The following TK2 variants were observed in gnomAD, a reference collection of about 807,000 sequenced individuals.
TK2 encodes thymidine kinase 2, mitochondrial.
Under a neutral mutation model 41.9 loss-of-function variants are expected in TK2, and 35 were observed. That is an observed-to-expected ratio of 0.84 (90% CI 0.64 to 1.11). TK2 has a LOEUF of 1.11. Among genes scored for constraint, TK2 ranks in the 50% least tolerant of loss-of-function variants. TK2 has a pLI of 0.00. For synonymous variants in TK2, 128 were observed against 129.1 expected (o/e 0.99, Z 0.06); for missense variants, 320 against 351.1 (o/e 0.91, Z 0.71).
intron 2 of TK2, chr16:66,548,151 ATATCC>A (rs1433227840): frequency 2.5e-6 from 1 of 395,760 alleles, no homozygotes. Context: ...ACCCGCTGGC[ATATCC>A]TTCTCCTAAT....
In TK2 at chr16:66,517,056, G is replaced by A. The variant is rs1964636382; in HGVS notation, c.618+80C>T. Reference sequence around the variant, plus strand: ...AACAAGGGCACAATGATCTCATGGGGGTGGGGCCGGGAGAGGAAGCCGGGT... The same window carrying A: ...AACAAGGGCACAATGATCTCATGGGAGTGGGGCCGGGAGAGGAAGCCGGGT... On this transcript the variant is annotated intron_variant, in intron 8 of 9. Transcript: ENST00000544898. This position sits in a 1 kb window ranked among gnomAD's most constrained non-coding sequence, Gnocchi z 4.3. The A allele has an allele frequency of 8.5e-7, 1 of 1,178,728 alleles. No individual in the cohort carries two copies. The highest frequency in any genetic ancestry group is 1.7e-5 in the Admixed American group (1 of 59,418). The allele number at this position is 1,178,728 out of a possible 1,614,324, so 73.0% of individuals were successfully genotyped here.
At chr16:66,525,321 G>A (rs1964899399) in intron 6 of TK2, among the ~76,000 whole-genome samples, 1 of 152,180 alleles carries the variant, frequency 6.6e-6, no homozygotes, top group Non-Finnish European at 1.5e-5. Flanking sequence ...GTTTAATACA[G>A]GAACATCCAT....
intron 4 of TK2, among the ~76,000 whole-genome samples, chr16:66,536,608 C>T (rs1352144523): frequency 6.6e-6 from 1 of 152,018 alleles, no homozygotes; most frequent in Non-Finnish European, 1.5e-5. Flanking sequence ...AGAGATAGGT[C>T]CTGGGGGGGT....
intron 4 of TK2, 110 bp from the exon 5 acceptor site, chr16:66,531,579 G>C: frequency 9.7e-7 from 1 of 1,027,664 alleles, no homozygotes. Flanking sequence ...GCAGGGTTGG[G>C]GCTGGAGATA....
Position 66,529,058 on chromosome 16 carries a change from C to G in TK2, c.385G>C (p.Val129Leu). ...DRHTRPQVSS[V>L]RLMERSIHSA... ...TGAATCGACCTCTCCATCAACCGTA[C>G]AGATGACACCTAAAGGAAAACAAAA... The change falls in exon 6 of 10, where the codon GTA (valine) becomes CTA (leucine). Residue 129 changes from valine (V) to leucine (L), a missense_variant. Val to Leu is a conservative substitution (Grantham distance 32, BLOSUM62 1). Transcript: ENST00000544898. The G allele has an allele frequency of 6.2e-7, 1 of 1,614,016 alleles. No homozygotes were observed. The highest frequency in any genetic ancestry group is 8.5e-7 in the Non-Finnish European group (1 of 1,180,020).
chr16:66,533,120 A>G (rs1018285298), intron 4 of TK2, among the ~76,000 whole-genome samples: 1 of 151,190 alleles, frequency 6.6e-6, no homozygotes, highest in Admixed American at 6.6e-5. Context: ...CCCAGACTGA[A>G]GTGCAGTGGC....
chr16:66,520,188 G>A (rs1567527761), intron 6 of TK2, among the ~76,000 whole-genome samples: 1 of 152,168 alleles, frequency 6.6e-6, no homozygotes, highest in Non-Finnish European at 1.5e-5. Flanking sequence ...GGAGGAGTGG[G>A]AAGGAAATCC....
chr16:66,543,290 C>G (rs551554140), intron 2 of TK2, among the ~76,000 whole-genome samples: 1 of 152,350 alleles, frequency 6.6e-6, no homozygotes, highest in South Asian at 2.1e-4. Context: ...GCTTCAGATG[C>G]ACCAGAGGAG....
chr16:66,536,697 C>A (rs1965294373), intron 4 of TK2, among the ~76,000 whole-genome samples: 2 of 152,104 alleles, frequency 1.3e-5, no homozygotes, highest in African/African-American at 4.8e-5. Flanking sequence ...GAAATGGACA[C>A]CCCTAGTGGC....
intron 2 of TK2, 137 bp downstream of exon 2, chr16:66,548,841 C>T: frequency 1.2e-6 from 1 of 835,660 alleles, no homozygotes; most frequent in Non-Finnish European, 2.0e-6. Flanking sequence ...GGGTGACAGA[C>T]TTCCTTCTCC....
intron 8 of TK2, among the ~76,000 whole-genome samples, chr16:66,516,625 T>C (rs1416912540): frequency 6.6e-6 from 1 of 151,270 alleles, no homozygotes; most frequent in Non-Finnish European, 1.5e-5. Flanking sequence ...CCCATGAGAG[T>C]CAGTGTGGCC....
chr16:66,527,769 C>T (rs1964978988), intron 6 of TK2, among the ~76,000 whole-genome samples: 5 of 152,150 alleles, frequency 3.3e-5, no homozygotes, highest in Admixed American at 2.0e-4. Context: ...GTGGCTCACA[C>T]CTATAATCCC....
At chr16:66,549,660 G>C in intron 1 of TK2, 2 of 1,212,716 alleles carry the variant, frequency 1.6e-6, no homozygotes, top group Non-Finnish European at 2.0e-6. Flanking sequence ...GAAATGGGTC[G>C]GGGGACCGAG....
At chr16:66,529,865 T>C (rs1185896345) in intron 5 of TK2, among the ~76,000 whole-genome samples, 3 of 152,158 alleles carry the variant, frequency 2.0e-5, no homozygotes, top group Admixed American at 6.5e-5. Context: ...CATTCTTCCA[T>C]CCTCTCTTTC....
At chr16:66,531,248 C>G (rs923051724) in intron 5 of TK2, 132 bp downstream of exon 5, 2 of 878,888 alleles carry the variant, frequency 2.3e-6, no homozygotes, top group Non-Finnish European at 3.7e-6. Context: ...GACCTTGGCC[C>G]CACACAGAGA....
intron 1 of TK2, chr16:66,549,662 G>A (rs1965722618): frequency 8.2e-7 from 1 of 1,216,086 alleles, no homozygotes; most frequent in Admixed American, 4.4e-5. Flanking sequence ...AATGGGTCGG[G>A]GGACCGAGTT....
intron 6 of TK2, among the ~76,000 whole-genome samples, chr16:66,526,018 T>C (rs1325109987): frequency 1.3e-5 from 2 of 152,126 alleles, no homozygotes; most frequent in African/African-American, 4.8e-5. Context: ...GATTGGGAGA[T>C]ACAGAACTGA....
intron 5 of TK2, 105 bp downstream of exon 5, chr16:66,531,275 A>C: frequency 3.6e-6 from 4 of 1,113,624 alleles, no homozygotes; most frequent in Non-Finnish European, 5.4e-6. Flanking sequence ...CACAGCACTG[A>C]AGGCCTAGCC....
intron 3 of TK2, among the ~76,000 whole-genome samples, chr16:66,541,032 G>A (rs553668483): frequency 7.9e-5 from 12 of 152,302 alleles, no homozygotes; most frequent in East Asian, 1.9e-4. Context: ...TCTGGAAACC[G>A]ATATGACACT....
Sources: gnomAD v4.1 joint callset for allele counts (sites outside exome capture counted in the v4.1 genomes callset) on GRCh38, gnomAD v4.1.1 for gene constraint, Gnocchi (gnomAD v3.1) non-coding constraint, MANE v1.5 for transcripts, NCBI Gene and HGNC (gene_info 2026-07-23, HGNC 2026-07-21) for gene names.